Variants in MAF observed in about 807,000 individuals in gnomAD.
The protein encoded by MAF is MAF bZIP transcription factor.
MAF carries 10 observed loss-of-function variants against 22.0 expected under a neutral mutation model. The observed-to-expected ratio is 0.45, with a 90% CI of 0.28 to 0.77. MAF has a LOEUF of 0.77. Ranked by LOEUF, MAF falls within the 30% of genes least tolerant of loss-of-function variation. MAF has a pLI of 0.12. For synonymous variants in MAF, 337 were observed against 255.8 expected (o/e 1.32, Z -3.03); for missense variants, 544 against 548.4 (o/e 0.99, Z 0.08).
chr16:79,348,669 C>G, the MAF span, among the ~76,000 whole-genome samples: 1 of 152,194 alleles, frequency 6.6e-6, no homozygotes, highest in Non-Finnish European at 1.5e-5. Context: ...ATGGCTTGGG[C>G]CCAGTGACAT....
the MAF span, among the ~76,000 whole-genome samples, chr16:79,227,050 T>G: frequency 3.3e-5 from 5 of 152,056 alleles, no homozygotes; most frequent in Admixed American, 1.3e-4. Context: ...TTGGGTCACT[T>G]AATTGTTTCA....
the MAF span, among the ~76,000 whole-genome samples, chr16:79,478,149 T>C: frequency 6.6e-6 from 1 of 152,318 alleles, no homozygotes; most frequent in African/African-American, 2.4e-5. Flanking sequence ...AACTCAAATG[T>C]CAAACTTTGT....
the MAF span, among the ~76,000 whole-genome samples, chr16:79,251,933 C>T: frequency 6.6e-6 from 1 of 152,364 alleles, no homozygotes; most frequent in African/African-American, 2.4e-5. Context: ...GGAACCCTTT[C>T]TTCAAATGAA....
At chr16:79,522,973 C>T in the MAF span, among the ~76,000 whole-genome samples, 3 of 152,190 alleles carry the variant, frequency 2.0e-5, no homozygotes, top group African/African-American at 7.2e-5. Flanking sequence ...CAAAATCTTA[C>T]CCCGCACAGG....
the MAF span, among the ~76,000 whole-genome samples, chr16:79,341,316 G>C: frequency 6.6e-6 from 1 of 152,152 alleles, no homozygotes; most frequent in South Asian, 2.1e-4. Flanking sequence ...CTTGTATAGC[G>C]CTATGGTGAG....
the MAF span, among the ~76,000 whole-genome samples, chr16:79,580,731 G>A: frequency 6.6e-6 from 1 of 151,830 alleles, no homozygotes. Flanking sequence ...CTCCGAACCT[G>A]CTTGGTAAAG....
At chr16:79,366,134 C>T in the MAF span, among the ~76,000 whole-genome samples, 3 of 152,168 alleles carry the variant, frequency 2.0e-5, no homozygotes, top group African/African-American at 7.2e-5. Flanking sequence ...CCTGGTTAAC[C>T]AGCTGTCATT....
the MAF span, among the ~76,000 whole-genome samples, chr16:79,428,849 A>AAATAATAATAATAATAATAAT: frequency 1.3e-3 from 196 of 146,638 alleles, 6 homozygotes; most frequent in South Asian, 0.014. Flanking sequence ...TGTCTCAGAA[A>AAATAATAATAATAATAATAAT]AATAATAATA....
the MAF span, among the ~76,000 whole-genome samples, chr16:79,542,335 G>GC: frequency 1.3e-5 from 2 of 152,094 alleles, no homozygotes; most frequent in African/African-American, 2.4e-5. Context: ...TGTCCCCAAG[G>GC]CCCCCCTGGT....
the MAF span, among the ~76,000 whole-genome samples, chr16:79,225,966 T>C: frequency 6.6e-6 from 1 of 152,238 alleles, no homozygotes; most frequent in South Asian, 2.1e-4. Context: ...TGGAAGACAG[T>C]GTGGCAATTC....
the MAF span, among the ~76,000 whole-genome samples, chr16:79,479,943 G>T: frequency 6.6e-6 from 1 of 152,168 alleles, no homozygotes; most frequent in South Asian, 2.1e-4. Flanking sequence ...ACTACTTCCA[G>T]CAGGTTTTCA....
chr16:79,309,102 G>A, the MAF span, among the ~76,000 whole-genome samples: 2 of 152,186 alleles, frequency 1.3e-5, no homozygotes, highest in Non-Finnish European at 2.9e-5. Flanking sequence ...GGAACAAAAG[G>A]CTATAGCAGT....
At chr16:79,339,192 C>G in the MAF span, among the ~76,000 whole-genome samples, 39 of 152,268 alleles carry the variant, frequency 2.6e-4, no homozygotes, top group Middle Eastern at 3.4e-3. Flanking sequence ...GCCTCAGCCT[C>G]TCGAGTAGCT....
At chr16:79,408,829 T>A in the MAF span, among the ~76,000 whole-genome samples, 1 of 152,182 alleles carries the variant, frequency 6.6e-6, no homozygotes, top group Non-Finnish European at 1.5e-5. Context: ...ACCCAAAGGC[T>A]TCATTCCAGC....
the MAF span, among the ~76,000 whole-genome samples, chr16:79,477,958 G>C: frequency 7.1e-6 from 1 of 140,150 alleles, no homozygotes; most frequent in South Asian, 2.3e-4. Context: ...TCCTGACCTC[G>C]TGATCCTCCT....
chr16:79,327,739 C>T, the MAF span, among the ~76,000 whole-genome samples: 106 of 152,274 alleles, frequency 7.0e-4, 1 homozygote, highest in African/African-American at 2.3e-3. Context: ...AAGTGCTGAC[C>T]GCTTTATCTC....
chr16:79,363,551 G>A, the MAF span, among the ~76,000 whole-genome samples: 1 of 152,196 alleles, frequency 6.6e-6, no homozygotes, highest in Admixed American at 6.5e-5. Context: ...GGCACTGGAA[G>A]CGTGGTTTCT....
chr16:79,305,375 T>G, the MAF span, among the ~76,000 whole-genome samples: 1 of 152,206 alleles, frequency 6.6e-6, no homozygotes, highest in Non-Finnish European at 1.5e-5. Context: ...AGTCCCAACC[T>G]ACTTCCAACC....
At chr16:79,546,405 T>C in the MAF span, among the ~76,000 whole-genome samples, 2 of 152,130 alleles carry the variant, frequency 1.3e-5, no homozygotes, top group African/African-American at 2.4e-5. Context: ...TATGAATGAG[T>C]GACTTGGGCT....
Sources: allele counts gnomAD v4.1 joint callset (sites outside exome capture counted in the v4.1 genomes callset), GRCh38; gene constraint gnomAD v4.1.1; transcripts MANE v1.5; gene names NCBI Gene and HGNC (gene_info 2026-07-23, HGNC 2026-07-21).